Variants in TEKT1 observed in about 807,000 individuals in gnomAD.
TEKT1 encodes tektin 1, also known as tektin-1.
In TEKT1, 32 loss-of-function variants were observed where a neutral mutation model predicts 34.8. That is an observed-to-expected ratio of 0.92 (90% confidence interval 0.69 to 1.23). The LOEUF is 1.23. TEKT1 is among the 50% of genes most tolerant of loss of function. The probability of loss-of-function intolerance (pLI) is 0.00; values close to 1 mark genes in which losing one functional copy is unlikely to be tolerated. For synonymous variants in TEKT1, 207 were observed against 199.8 expected (o/e 1.04, Z -0.30); for missense variants, 492 against 518.5 (o/e 0.95, Z 0.50).
At chr17:6,800,623 C>T in intron 7 of TEKT1, 124 bp downstream of exon 7, 1 of 1,207,000 alleles carries the variant, frequency 8.3e-7, no homozygotes. Flanking sequence ...CTCTAGGGGG[C>T]ATTCCTCAAG....
intron 2 of TEKT1, among the ~76,000 whole-genome samples, chr17:6,822,623 T>G (rs1004708271): frequency 2.6e-5 from 4 of 152,228 alleles, no homozygotes; most frequent in Non-Finnish European, 5.9e-5. Context: ...TAAGAACGCT[T>G]GTTCTCCAAA....
rs533595528 is a variant in TEKT1 at position 6,800,080 on chromosome 17, C to T, written c.1204G>A (p.Gly402Arg). 55 of 1,613,232 alleles carry T rather than the reference C, an allele frequency of 3.4e-5. No individual in the cohort carries two copies. The South Asian group carries it at 5.8e-4, about 17-fold the overall frequency. The change falls in exon 8 of 8, where the codon GGG (glycine) becomes AGG (arginine). Residue 402 changes from glycine to arginine, a missense_variant. Coordinates refer to ENST00000338694, the MANE Select transcript of TEKT1 (RefSeq NM_053285.2). ...CCAGCCCAGACCCCATGGTCTTCCC[C>T]ATCCCGAAGTGGGATGGATTTCCTC... Reference protein sequence around the residue: ...QMRKSIPLRDGEDHGVWAGGL... With the variant: ...QMRKSIPLRDREDHGVWAGGL...
intron 2 of TEKT1, among the ~76,000 whole-genome samples, chr17:6,826,641 T>C (rs1904404305): frequency 4.0e-5 from 6 of 151,624 alleles, no homozygotes; most frequent in African/African-American, 1.2e-4. Flanking sequence ...GATAGATAGA[T>C]AGATAGATAG....
chr17:6,799,925 A>T lies in TEKT1; in HGVS notation c.*102T>A. The T allele has an allele frequency of 8.5e-7, 1 of 1,173,736 alleles. No homozygotes were observed. The highest frequency in any genetic ancestry group is 1.5e-5 in the African/African-American group (1 of 65,052). The allele number at this position is 1,173,736 out of a possible 1,614,324, so 72.7% of individuals were successfully genotyped here. On this transcript the variant is annotated 3_prime_UTR_variant, in exon 8 of 8. Coordinates refer to ENST00000338694, the MANE Select transcript of TEKT1 (RefSeq NM_053285.2). ...CTTGGAATGCCAGCCAAGAGGTTGC[A>T]GCAGGCTGGCTAGAGGCCCCGCCAG...
chr17:6,821,721 C>T (rs985178506), intron 2 of TEKT1, among the ~76,000 whole-genome samples: 45 of 152,104 alleles, frequency 3.0e-4, no homozygotes, highest in East Asian at 9.6e-4. Flanking sequence ...TGAATGGTTT[C>T]GATCAAAATG....
intron 6 of TEKT1, among the ~76,000 whole-genome samples, chr17:6,805,867 G>A (rs1976836975): frequency 6.6e-6 from 1 of 152,194 alleles, no homozygotes; most frequent in South Asian, 2.1e-4. Flanking sequence ...TACATTTGCT[G>A]AGGAGTGCTT....
chr17:6,825,438 G>T lies in TEKT1; in HGVS notation c.190+4749C>A, dbSNP rs1904367385. ...GCTCCCCAAGGGCAAACACCAGTCT[G>T]GTGTGTCTATATCATCAGCACCAGC... On this transcript the variant is annotated intron_variant, in intron 2 of 7. Coordinates refer to ENST00000338694, the MANE Select transcript of TEKT1 (RefSeq NM_053285.2). Among the ~76,000 whole-genome samples, 4 of 152,076 alleles carry T rather than the reference G, an allele frequency of 2.6e-5. No homozygotes were observed. The South Asian group carries it at 8.3e-4, about 32-fold the overall frequency.
chr17:6,819,351 T>A lies in TEKT1; in HGVS notation c.198A>T (p.Arg66Ser). 1 of 1,613,098 alleles carries A rather than the reference T, an allele frequency of 6.2e-7. No homozygotes were observed. The highest frequency in any genetic ancestry group is 1.1e-5 in the South Asian group (1 of 90,762). The change falls in exon 3 of 8, where the codon AGA becomes AGT. Residue 66 changes from arginine (R) to serine (S), a missense_variant. By Grantham distance (110) the Arg-to-Ser change is moderately radical (BLOSUM62 -1). Coordinates refer to ENST00000338694, the MANE Select transcript of TEKT1 (RefSeq NM_053285.2). The part of the protein sequence containing the change: ...QSDVNKKLEQ[R>S]LEEVQFWKKE... ...TCTTCCAGAACTGGACTTCCTCGAG[T>A]CTCTGTTCTGAAGCACACGGGGAAG...
intron 3 of TEKT1, among the ~76,000 whole-genome samples, chr17:6,816,249 T>C (rs954604936): frequency 6.6e-6 from 1 of 152,200 alleles, no homozygotes; most frequent in Non-Finnish European, 1.5e-5. Flanking sequence ...TTTTAAATTA[T>C]ACTTTAAGTT....
intron 6 of TEKT1, among the ~76,000 whole-genome samples, chr17:6,809,279 T>C (rs1179814947): frequency 6.6e-6 from 1 of 152,230 alleles, no homozygotes; most frequent in Non-Finnish European, 1.5e-5. Context: ...TCACCCAGGC[T>C]GGATAGCAAT....
At chr17:6,814,817 G>GCA (rs1976980940) in intron 5 of TEKT1, 1 of 183,544 alleles carries the variant, frequency 5.4e-6, no homozygotes, top group South Asian at 1.2e-4. Flanking sequence ...CAGCCTAAGT[G>GCA]ACAGAGCAAG....
intron 2 of TEKT1, among the ~76,000 whole-genome samples, chr17:6,819,961 T>C (rs1184753895): frequency 6.6e-6 from 1 of 152,230 alleles, no homozygotes. Flanking sequence ...GTGCTGGGAT[T>C]ACAGGTGTCA....
intron 2 of TEKT1, among the ~76,000 whole-genome samples, chr17:6,829,471 T>G (rs973938809): frequency 1.8e-4 from 27 of 151,744 alleles, no homozygotes; most frequent in African/African-American, 5.8e-4. Context: ...TTCTTTCTCT[T>G]TCTTTCTTTC....
intron 2 of TEKT1, among the ~76,000 whole-genome samples, chr17:6,821,351 G>T (rs917260678): frequency 6.6e-6 from 1 of 151,988 alleles, no homozygotes; most frequent in South Asian, 2.1e-4. Flanking sequence ...GTTTTATAAG[G>T]GTCTCTTCCC....
chr17:6,817,204 C>T (rs976652846), intron 3 of TEKT1, among the ~76,000 whole-genome samples: 27 of 151,752 alleles, frequency 1.8e-4, no homozygotes, highest in African/African-American at 5.6e-4. Context: ...GGAGAAACCC[C>T]GTCTCTACTA....
intron 6 of TEKT1, among the ~76,000 whole-genome samples, chr17:6,809,560 C>T (rs1427876267): frequency 6.6e-6 from 1 of 152,148 alleles, no homozygotes; most frequent in East Asian, 1.9e-4. Context: ...AGATGTATAA[C>T]TACATGTATC....
At chr17:6,808,415 C>T (rs1017355836) in intron 6 of TEKT1, among the ~76,000 whole-genome samples, 4 of 152,146 alleles carry the variant, frequency 2.6e-5, no homozygotes, top group Admixed American at 1.3e-4. Flanking sequence ...TTGCACTTCC[C>T]GGGTGAGGCA....
At chr17:6,813,946 T>TTCTCTCTCTCTCTCTCTCTCTCTCTC (rs71157224) in intron 5 of TEKT1, among the ~76,000 whole-genome samples, 15 of 145,952 alleles carry the variant, frequency 1.0e-4, no homozygotes, top group African/African-American at 3.6e-4. Flanking sequence ...CTGTCATCCG[T>TTCTCTCTCTCTCTCTCTCTCTCTCTC]TCTCTCTCTC....
intron 2 of TEKT1, among the ~76,000 whole-genome samples, chr17:6,826,637 TAGATAG>T (rs1904403904): frequency 6.6e-6 from 1 of 151,392 alleles, no homozygotes; most frequent in Non-Finnish European, 1.5e-5. Flanking sequence ...GATAGATAGA[TAGATAG>T]ATAGATAGAT....
Sources: allele counts gnomAD v4.1 joint callset (sites outside exome capture counted in the v4.1 genomes callset), GRCh38; gene constraint gnomAD v4.1.1; transcripts MANE v1.5; gene names NCBI Gene and HGNC (gene_info 2026-07-23, HGNC 2026-07-21).